Variants in PRKCA observed in about 807,000 individuals in gnomAD.
PRKCA encodes the protein protein kinase C alpha type.
Under a neutral mutation model 87.0 loss-of-function variants are expected in PRKCA, and 27 were observed. That is an observed-to-expected ratio of 0.31 (90% CI 0.23 to 0.43). The LOEUF (loss-of-function observed/expected upper bound fraction) is 0.43. Among genes scored for constraint, PRKCA ranks in the 20% least tolerant of loss-of-function variants. PRKCA has a pLI of 1.00. For missense variants in PRKCA, 518 were observed against 852.3 expected (o/e 0.61, Z 4.88); for synonymous variants, 329 against 311.1 (o/e 1.06, Z -0.61).
chr17:66,394,353 G>T (rs1250073072), intron 2 of PRKCA, among the ~76,000 whole-genome samples: 2 of 152,242 alleles, frequency 1.3e-5, no homozygotes, highest in Admixed American at 1.3e-4. Flanking sequence ...TAGGGAGAAA[G>T]TCAGGATGGA....
intron 2 of PRKCA, among the ~76,000 whole-genome samples, chr17:66,440,802 G>A (rs1481350345): frequency 2.0e-5 from 3 of 152,080 alleles, no homozygotes; most frequent in African/African-American, 7.2e-5. Context: ...GAGATGGGAG[G>A]ATTGCTTGAG....
intron 3 of PRKCA, among the ~76,000 whole-genome samples, chr17:66,510,919 G>A (rs367818583): frequency 4.6e-5 from 7 of 151,858 alleles, no homozygotes; most frequent in Non-Finnish European, 8.8e-5. Context: ...GCTAATTTTC[G>A]TGTTTTTTGT....
intron 2 of PRKCA, among the ~76,000 whole-genome samples, chr17:66,460,535 T>C (rs1268053713): frequency 6.6e-6 from 1 of 152,220 alleles, no homozygotes; most frequent in African/African-American, 2.4e-5. Flanking sequence ...ATTGCAGCAG[T>C]GCAGACAGGG....
intron 8 of PRKCA, among the ~76,000 whole-genome samples, chr17:66,711,618 TC>T (rs1973329768): frequency 6.6e-6 from 1 of 152,298 alleles, no homozygotes; most frequent in Admixed American, 6.5e-5. Flanking sequence ...TTGCCTGTGT[TC>T]GTAATTAAAA....
At chr17:66,640,878 G>T (rs774235252) in intron 3 of PRKCA, 42 of 425,388 alleles carry the variant, frequency 9.9e-5, no homozygotes, top group Non-Finnish European at 1.5e-4. Context: ...AACATGATGC[G>T]GGCCAGGTGT....
intron 2 of PRKCA, among the ~76,000 whole-genome samples, chr17:66,431,429 C>A (rs1265500442): frequency 6.6e-6 from 1 of 152,144 alleles, no homozygotes; most frequent in Non-Finnish European, 1.5e-5. Flanking sequence ...ATGGAACAAG[C>A]ACGTTTCTTC....
At chr17:66,429,123 T>C (rs1021493866) in intron 2 of PRKCA, among the ~76,000 whole-genome samples, 1 of 152,176 alleles carries the variant, frequency 6.6e-6, no homozygotes, top group African/African-American at 2.4e-5. Context: ...GAGTGTGGAC[T>C]GTGTCTGGTT....
At chr17:66,325,452 C>T (rs1292421189) in intron 2 of PRKCA, among the ~76,000 whole-genome samples, 1 of 151,976 alleles carries the variant, frequency 6.6e-6, no homozygotes, top group African/African-American at 2.4e-5. Context: ...TGCCTCCCGC[C>T]CCACTTTAAA....
chr17:66,433,023 C>G (rs1271343592), intron 2 of PRKCA, among the ~76,000 whole-genome samples: 1 of 152,156 alleles, frequency 6.6e-6, no homozygotes, highest in African/African-American at 2.4e-5. Context: ...AAACTAGACT[C>G]TGATGTGTGC....
chr17:66,648,273 G>A (rs1363487221), intron 5 of PRKCA, among the ~76,000 whole-genome samples: 2 of 152,136 alleles, frequency 1.3e-5, no homozygotes, highest in African/African-American at 2.4e-5. Context: ...CTATCACACC[G>A]GGAATCCAAT....
chr17:66,429,192 G>A (rs552529494), intron 2 of PRKCA, among the ~76,000 whole-genome samples: 1 of 152,178 alleles, frequency 6.6e-6, no homozygotes, highest in South Asian at 2.1e-4. Flanking sequence ...ATAAATATGT[G>A]TTAAATAAAT....
chr17:66,449,165 T>C (rs935919169), intron 2 of PRKCA, among the ~76,000 whole-genome samples: 6 of 152,036 alleles, frequency 3.9e-5, no homozygotes, highest in Admixed American at 6.6e-5. Flanking sequence ...GGCATGTGCC[T>C]GTAGGCCTAG....
intron 8 of PRKCA, among the ~76,000 whole-genome samples, chr17:66,693,278 T>G (rs1972829333): frequency 6.6e-6 from 1 of 152,140 alleles, no homozygotes; most frequent in Non-Finnish European, 1.5e-5. Flanking sequence ...GAACCTTGAT[T>G]GCGATACTCA....
chr17:66,324,466 A>AAG (rs1323975667), intron 2 of PRKCA, among the ~76,000 whole-genome samples: 4 of 149,388 alleles, frequency 2.7e-5, no homozygotes, highest in African/African-American at 9.9e-5. Flanking sequence ...AAAAAAAAAA[A>AAG]GCTGGGCATG....
intron 3 of PRKCA, among the ~76,000 whole-genome samples, chr17:66,515,225 T>G (rs1057401138): frequency 1.4e-5 from 2 of 146,310 alleles, no homozygotes; most frequent in Admixed American, 7.0e-5. Context: ...TGAGCCAAGA[T>G]TGCGCCGCTG....
intron 2 of PRKCA, among the ~76,000 whole-genome samples, chr17:66,324,404 C>T (rs1398899524): frequency 6.8e-6 from 1 of 147,178 alleles, no homozygotes; most frequent in African/African-American, 2.5e-5. Flanking sequence ...GAGTTCGAGG[C>T]CAACCTGGCC....
intron 2 of PRKCA, among the ~76,000 whole-genome samples, chr17:66,460,255 G>T (rs1261668738): frequency 6.6e-6 from 1 of 152,182 alleles, no homozygotes; most frequent in Non-Finnish European, 1.5e-5. Flanking sequence ...TGTGGGCTGT[G>T]TGTGTATGAT....
chr17:66,397,954 C>T (rs1910785685), intron 2 of PRKCA: 1 of 152,162 alleles, frequency 6.6e-6, no homozygotes, highest in Non-Finnish European at 1.5e-5. Context: ...ATTTCCTTCC[C>T]CAAGGGAGCT....
At chr17:66,480,316 A>C (rs1004766730) in intron 2 of PRKCA, among the ~76,000 whole-genome samples, 2 of 152,106 alleles carry the variant, frequency 1.3e-5, no homozygotes, top group Admixed American at 1.3e-4. Flanking sequence ...CTTTGTAATT[A>C]TGTGGTGTTC....
Sources: gnomAD v4.1 joint callset for allele counts (sites outside exome capture counted in the v4.1 genomes callset) on GRCh38, gnomAD v4.1.1 for gene constraint, MANE v1.5 for transcripts, NCBI Gene and HGNC (gene_info 2026-07-23, HGNC 2026-07-21) for gene names.